Variants in GRIK3 observed in about 807,000 individuals in gnomAD.
GRIK3 encodes the protein glutamate ionotropic receptor kainate type subunit 3.
A neutral mutation model predicts 102.5 loss-of-function variants in GRIK3; 29 were observed. The observed-to-expected ratio is 0.28, with a 90% confidence interval of 0.21 to 0.39. The LOEUF (loss-of-function observed/expected upper bound fraction) is 0.39. Ranked by LOEUF, GRIK3 falls within the 10% of genes least tolerant of loss-of-function variation. The pLI is 1.00. For missense variants in GRIK3, 908 were observed against 1,252.4 expected (o/e 0.73, Z 4.15); for synonymous variants, 511 against 504.9 (o/e 1.01, Z -0.16).
chr1:36,835,637 C>A (rs1283344630), intron 10 of GRIK3, among the ~76,000 whole-genome samples: 1 of 152,204 alleles, frequency 6.6e-6, no homozygotes, highest in Non-Finnish European at 1.5e-5. Context: ...GGCTCCCAGG[C>A]TGAGACATTG....
chr1:36,980,588 G>T (rs1417615481), intron 1 of GRIK3, among the ~76,000 whole-genome samples: 1 of 151,818 alleles, frequency 6.6e-6, no homozygotes, highest in Non-Finnish European at 1.5e-5. Context: ...CACCCAGATT[G>T]ACAGGTGTGA....
At chr1:36,979,211 C>T (rs1011656538) in intron 1 of GRIK3, among the ~76,000 whole-genome samples, 1 of 152,216 alleles carries the variant, frequency 6.6e-6, no homozygotes, top group Non-Finnish European at 1.5e-5. Flanking sequence ...GATCCACCAG[C>T]CCTCGCTACA....
chr1:36,872,218 G>C lies in GRIK3; in HGVS notation c.702C>G (p.Ser234Arg). The stretch of plus-strand genomic sequence containing the variant: ...TGAGGATCTGGGCCGCCATAGTGTG[G>C]CTGCAGTCGAAGATAATGCGGAATT... ...GREFRIIFDC[S>R]HTMAAQILKQ... The change falls in exon 4 of 16, where the codon AGC (serine) becomes AGG (arginine). Residue 234 changes from serine to arginine, a missense_variant. By Grantham distance (110) the Ser-to-Arg change is moderately radical (BLOSUM62 -1). Coordinates refer to ENST00000373091, the MANE Select transcript of GRIK3 (RefSeq NM_000831.4). This position sits in a 1 kb window ranked among gnomAD's most constrained non-coding sequence, Gnocchi z 5.9. 1.2e-6 allele frequency: 2 copies of C among 1,608,254 alleles called. No homozygotes were observed. Among genetic ancestry groups the C allele is most frequent in the Non-Finnish European group, 1.7e-6 (2 of 1,176,652 alleles).
intron 1 of GRIK3, among the ~76,000 whole-genome samples, chr1:36,922,507 C>A (rs571412362): frequency 7.2e-5 from 11 of 152,200 alleles, no homozygotes; most frequent in African/African-American, 2.4e-4. Context: ...TGGCTGCCAC[C>A]CTTCCCCTCA....
chr1:36,984,043 A>G (rs1642277732), intron 1 of GRIK3, among the ~76,000 whole-genome samples: 1 of 152,198 alleles, frequency 6.6e-6, no homozygotes, highest in Admixed American at 6.5e-5. Context: ...AAAACAGACT[A>G]GACTGCAACA....
chr1:36,925,389 G>A (rs768705434), intron 1 of GRIK3, among the ~76,000 whole-genome samples: 4 of 152,270 alleles, frequency 2.6e-5, no homozygotes, highest in African/African-American at 7.2e-5. Context: ...ATGCCCCAGT[G>A]AGCCAGTTCG....
intron 1 of GRIK3, among the ~76,000 whole-genome samples, chr1:36,957,423 ATGAG>A (rs1557440276): frequency 7.9e-4 from 42 of 52,872 alleles, no homozygotes; most frequent in Middle Eastern, 0.011. Flanking sequence ...TGTGTGCCCC[ATGAG>A]CCTCTGTGCT....
chr1:36,821,151 T>G (rs575125154), intron 11 of GRIK3, among the ~76,000 whole-genome samples: 14 of 152,246 alleles, frequency 9.2e-5, no homozygotes, highest in African/African-American at 3.4e-4. Context: ...TAATATATTA[T>G]ACATTGATTA....
chr1:36,937,129 T>C (rs1570808797), intron 1 of GRIK3, among the ~76,000 whole-genome samples: 1 of 152,146 alleles, frequency 6.6e-6, no homozygotes, highest in South Asian at 2.1e-4. Context: ...AGGATGGCAC[T>C]GTGGAGCAGG....
Position 37,033,991 on chromosome 1 carries a change from T to C in GRIK3, c.115+3A>G. ...GAGACCCCCGGCTCCAGGGAGCGCTTACCGATCCGGATGACGTGGGGCATC... is the reference window on the plus strand; with the variant it reads ...GAGACCCCCGGCTCCAGGGAGCGCTCACCGATCCGGATGACGTGGGGCATC... On this transcript the variant is annotated splice_donor_region_variant and intron_variant, in intron 1 of 15. Coordinates refer to ENST00000373091, the MANE Select transcript of GRIK3 (RefSeq NM_000831.4). 1 of 1,566,054 alleles carries C rather than the reference T, an allele frequency of 6.4e-7. No individual in the cohort carries two copies. Among genetic ancestry groups the C allele is most frequent in the Non-Finnish European group, 8.7e-7 (1 of 1,148,814 alleles).
At chr1:36,879,799 G>C (rs1640946222) in intron 3 of GRIK3, among the ~76,000 whole-genome samples, 1 of 152,174 alleles carries the variant, frequency 6.6e-6, no homozygotes, top group African/African-American at 2.4e-5. Flanking sequence ...GCCCAGCTTT[G>C]GGCCCGCAGC....
At chr1:36,901,703 A>G (rs1485846503) in intron 1 of GRIK3, among the ~76,000 whole-genome samples, 1 of 152,172 alleles carries the variant, frequency 6.6e-6, no homozygotes. Context: ...TCAAGATCAC[A>G]CTGGAAGTCC....
chr1:36,918,158 G>A (rs540171955), intron 1 of GRIK3, among the ~76,000 whole-genome samples: 1 of 152,266 alleles, frequency 6.6e-6, no homozygotes, highest in Admixed American at 6.5e-5. Flanking sequence ...TAGTTAGCAG[G>A]GGAACCCAAA....
intron 13 of GRIK3, among the ~76,000 whole-genome samples, chr1:36,813,178 G>C (rs1024616537): frequency 6.6e-6 from 1 of 152,204 alleles, no homozygotes; most frequent in Non-Finnish European, 1.5e-5. Flanking sequence ...CTAGCTGTGG[G>C]ATGTTAGGCA....
rs538001491 is a variant in GRIK3 at position 37,027,479 on chromosome 1, A to G, written c.115+6515T>C. On this transcript the variant is annotated intron_variant, in intron 1 of 15. Transcript: ENST00000373091. ...TAAGGAGGCACCCCCTCTCATGGTC[A>G]GTCATGCAAGCAAAGGGTCCTCATT... Among the ~76,000 whole-genome samples, 3 of 152,270 alleles carry G rather than the reference A, an allele frequency of 2.0e-5. No homozygotes were observed. In the South Asian group the frequency reaches 6.2e-4, roughly 32 times the overall value.
chr1:36,978,083 T>C (rs1642213341), intron 1 of GRIK3, among the ~76,000 whole-genome samples: 1 of 152,282 alleles, frequency 6.6e-6, no homozygotes, highest in Non-Finnish European at 1.5e-5. Flanking sequence ...GCAATTTAAA[T>C]AGCACTTCCA....
intron 1 of GRIK3, among the ~76,000 whole-genome samples, chr1:37,029,042 C>G (rs1442223519): frequency 6.6e-6 from 1 of 152,222 alleles, no homozygotes; most frequent in African/African-American, 2.4e-5. Flanking sequence ...TTGCTCCAGA[C>G]CCAGGTGGGG....
At chr1:36,828,197 T>G (rs1642777317) in intron 10 of GRIK3, among the ~76,000 whole-genome samples, 1 of 151,562 alleles carries the variant, frequency 6.6e-6, no homozygotes, top group African/African-American at 2.4e-5. Context: ...CTTGGTGGGG[T>G]GGGAGCCTGA....
intron 1 of GRIK3, among the ~76,000 whole-genome samples, chr1:36,915,162 A>G (rs938675736): frequency 6.6e-6 from 1 of 152,230 alleles, no homozygotes; most frequent in Non-Finnish European, 1.5e-5. Context: ...CATACAGCAG[A>G]TAAACAGTAG....
Sources: allele counts gnomAD v4.1 joint callset (sites outside exome capture counted in the v4.1 genomes callset), GRCh38; gene constraint gnomAD v4.1.1; non-coding constraint Gnocchi (gnomAD v3.1); transcripts MANE v1.5; gene names NCBI Gene and HGNC (gene_info 2026-07-23, HGNC 2026-07-21).